The following RIMS1 variants were observed in gnomAD, a reference collection of about 807,000 sequenced individuals.
RIMS1 encodes regulating synaptic membrane exocytosis 1, also known as regulating synaptic membrane exocytosis protein 1.
A neutral mutation model predicts 214.1 loss-of-function variants in RIMS1; 83 were observed. The observed-to-expected ratio is 0.39, with a 90% CI of 0.32 to 0.47. RIMS1 has a LOEUF of 0.47. Among genes scored for constraint, RIMS1 ranks in the 20% least tolerant of loss-of-function variants. The pLI, the probability that RIMS1 is intolerant of heterozygous loss-of-function variation, is 0.99. For missense variants in RIMS1, 2,050 were observed against 2,161.8 expected (o/e 0.95, Z 1.03); for synonymous variants, 793 against 786.8 (o/e 1.01, Z -0.13).
chr6:72,225,302 CT>C (rs1275424730), intron 6 of RIMS1, among the ~76,000 whole-genome samples: 1 of 152,004 alleles, frequency 6.6e-6, no homozygotes, highest in African/African-American at 2.4e-5. Context: ...CTGTTTTGTT[CT>C]ACATATCCTT....
At chr6:72,256,661 GATTA>G (rs1027466017) in intron 16 of RIMS1, among the ~76,000 whole-genome samples, 5 of 146,790 alleles carry the variant, frequency 3.4e-5, no homozygotes, top group African/African-American at 7.6e-5. Flanking sequence ...TCAGACTATG[GATTA>G]ATTGTCTTTA....
chr6:71,966,427 AG>A (rs1299735622), intron 1 of RIMS1, among the ~76,000 whole-genome samples: 3 of 152,248 alleles, frequency 2.0e-5, no homozygotes, highest in Non-Finnish European at 4.4e-5. Flanking sequence ...AGACAGAAAC[AG>A]TATATTAACT....
intron 2 of RIMS1, among the ~76,000 whole-genome samples, chr6:72,063,135 G>A (rs1202399367): frequency 3.3e-5 from 5 of 152,134 alleles, no homozygotes; most frequent in Admixed American, 2.6e-4. Flanking sequence ...TGAGGAACAC[G>A]TTGAAAATAC....
intron 6 of RIMS1, among the ~76,000 whole-genome samples, chr6:72,183,462 CTG>C (rs1002495478): frequency 6.7e-6 from 1 of 150,244 alleles, no homozygotes; most frequent in African/African-American, 2.5e-5. Context: ...ATTTATTATT[CTG>C]TGAAAAACAA....
chr6:72,339,549 C>A (rs996441234), intron 29 of RIMS1, among the ~76,000 whole-genome samples: 3 of 151,766 alleles, frequency 2.0e-5, no homozygotes, highest in Non-Finnish European at 2.9e-5. Context: ...TTTTTTTGTC[C>A]TTGCAATAGT....
At chr6:72,039,814 T>C (rs921505435) in intron 2 of RIMS1, among the ~76,000 whole-genome samples, 6 of 152,054 alleles carry the variant, frequency 3.9e-5, no homozygotes, top group Non-Finnish European at 5.9e-5. Flanking sequence ...CAGAGACACT[T>C]ATCTAATACA....
chr6:72,394,039 A>AAAAAAAG (rs2098743940), intron 31 of RIMS1, among the ~76,000 whole-genome samples: 1 of 150,086 alleles, frequency 6.7e-6, no homozygotes, highest in African/African-American at 2.4e-5. Flanking sequence ...AAAAAAAAAA[A>AAAAAAAG]AAAGATGGAA....
chr6:72,010,186 A>C (rs1322802163), intron 2 of RIMS1, among the ~76,000 whole-genome samples: 1 of 152,220 alleles, frequency 6.6e-6, no homozygotes, highest in Non-Finnish European at 1.5e-5. Context: ...TATGCAAATC[A>C]ATAAACGTAA....
intron 26 of RIMS1, among the ~76,000 whole-genome samples, chr6:72,295,737 T>A (rs1226381533): frequency 1.3e-5 from 2 of 151,834 alleles, no homozygotes; most frequent in Non-Finnish European, 2.9e-5. Context: ...TTTAAATTGC[T>A]GTATTCATTC....
chr6:72,137,883 C>T (rs781443738), intron 4 of RIMS1, among the ~76,000 whole-genome samples: 1 of 151,826 alleles, frequency 6.6e-6, no homozygotes, highest in African/African-American at 2.4e-5. Context: ...ACTACAGGTG[C>T]CCACCGCCAC....
At chr6:71,969,150 T>C in intron 2 of RIMS1, 87 bp downstream of exon 2, 1 of 1,243,082 alleles carries the variant, frequency 8.0e-7, no homozygotes, top group Non-Finnish European at 1.2e-6. Flanking sequence ...CATGTGAGAG[T>C]AGATACTCTG....
chr6:72,258,210 T>A lies in RIMS1; in HGVS notation c.2856T>A (p.Arg952=). 6.2e-7 allele frequency: 1 copy of A among 1,613,438 alleles called. No homozygotes were observed. The highest frequency in any genetic ancestry group is 1.3e-5 in the African/African-American group (1 of 75,016). ...EQQRTTHHRS[R]SVSPHRGNDQ... is the part of the protein sequence containing the mutation. Reference sequence around the variant, plus strand: ...AAAGAACAACTCATCACCGCTCACGTTCAGTATCTCCTCATCGCGGCAATG... The same window carrying A: ...AAAGAACAACTCATCACCGCTCACGATCAGTATCTCCTCATCGCGGCAATG... The change falls in exon 17 of 34, where the codon CGT becomes CGA. Residue 952 remains arginine, a synonymous_variant. Coordinates refer to ENST00000521978, the MANE Select transcript of RIMS1 (RefSeq NM_014989.7).
chr6:72,289,538 A>AT (rs900482746), intron 24 of RIMS1, among the ~76,000 whole-genome samples: 1 of 152,214 alleles, frequency 6.6e-6, no homozygotes, highest in Non-Finnish European at 1.5e-5. Context: ...ATACGCCTTT[A>AT]TTAAAGACCT....
In RIMS1 at chr6:72,164,276, A is replaced by G. The variant is rs566925738; in HGVS notation, c.472-15299A>G. ...TAGGGTGGGAGTGACCCGATTTTCCAGGTGCCGTCTGTCACCCCTTTCTTT... is the reference window on the plus strand; with the variant it reads ...TAGGGTGGGAGTGACCCGATTTTCCGGGTGCCGTCTGTCACCCCTTTCTTT... On this transcript the variant is annotated intron_variant, in intron 4 of 33. Coordinates refer to ENST00000521978, the MANE Select transcript of RIMS1 (RefSeq NM_014989.7). Among the ~76,000 whole-genome samples the G allele has an allele frequency of 1.6e-3, 238 of 152,256 alleles. 1 individual carries two copies. Among genetic ancestry groups the G allele is most frequent in the Middle Eastern group, 3.4e-3 (1 of 294 alleles).
At chr6:71,990,187 A>G (rs1160174428) in intron 2 of RIMS1, among the ~76,000 whole-genome samples, 3 of 152,200 alleles carry the variant, frequency 2.0e-5, no homozygotes, top group Non-Finnish European at 4.4e-5. Context: ...GTCACCCAGA[A>G]TGACATAAAC....
Position 72,400,852 on chromosome 6 carries a change from G to T in RIMS1, c.*138G>T, listed in dbSNP as rs55642181. On this transcript the variant is annotated 3_prime_UTR_variant, in exon 34 of 34. Transcript: ENST00000521978. ...GCCTGTAGTAGTTTTTCAATAATAT[G>T]TCCCAATTGTTATTTAAAACATGGC... 0.011 allele frequency: 6,909 copies of T among 645,522 alleles called. 46 individuals carry two copies. The highest frequency in any genetic ancestry group is 0.015 in the Non-Finnish European group (5,596 of 376,712). The allele number at this position is 645,522 out of a possible 1,614,324, so 40.0% of individuals were successfully genotyped here.
At chr6:72,373,992 G>A (rs1221620982) in intron 29 of RIMS1, among the ~76,000 whole-genome samples, 1 of 152,062 alleles carries the variant, frequency 6.6e-6, no homozygotes, top group African/African-American at 2.4e-5. Context: ...TTGGCTCACT[G>A]CAACCTCTGC....
intron 4 of RIMS1, among the ~76,000 whole-genome samples, chr6:72,133,272 C>T (rs2040751604): frequency 6.6e-6 from 1 of 150,724 alleles, no homozygotes; most frequent in African/African-American, 2.4e-5. Flanking sequence ...CTCTGTTCCC[C>T]AGGCTAGAAT....
chr6:71,973,819 T>C (rs1435661773), intron 2 of RIMS1, among the ~76,000 whole-genome samples: 1 of 152,168 alleles, frequency 6.6e-6, no homozygotes, highest in Non-Finnish European at 1.5e-5. Context: ...GAAATACACG[T>C]GCAACTAGCT....
Sources: gnomAD v4.1 joint callset for allele counts (sites outside exome capture counted in the v4.1 genomes callset) on GRCh38, gnomAD v4.1.1 for gene constraint, MANE v1.5 for transcripts, NCBI Gene and HGNC (gene_info 2026-07-23, HGNC 2026-07-21) for gene names.